Variants in FBH1 observed in about 807,000 individuals in gnomAD.
FBH1 encodes DNA 3'-5' helicase 1.
FBH1 carries 43 observed loss-of-function variants against 115.5 expected under a neutral mutation model. The observed-to-expected ratio is 0.37, with a 90% CI of 0.29 to 0.48. FBH1 has a LOEUF of 0.48. FBH1 is among the 20% of genes least tolerant of loss of function. The probability of loss-of-function intolerance (pLI) is 0.99; values close to 1 mark genes in which losing one functional copy is unlikely to be tolerated. For missense variants in FBH1, 1,001 were observed against 1,337.3 expected (o/e 0.75, Z 3.92); for synonymous variants, 524 against 507.8 (o/e 1.03, Z -0.43).
rs59647667 is a variant in FBH1, at chr10:5,933,114, G to T, written c.2830-3342G>T. Reference sequence around the variant, plus strand: ...TGCATAAGAGTGAAATAGGCCCGGCGCAGTAGCTCACACCTGTAATCCCAG... The same window carrying T: ...TGCATAAGAGTGAAATAGGCCCGGCTCAGTAGCTCACACCTGTAATCCCAG... On this transcript the variant is annotated intron_variant, in intron 19 of 20. Transcript: ENST00000362091. This position sits in a 1 kb window ranked among gnomAD's most constrained non-coding sequence, Gnocchi z 4.9. Among the ~76,000 whole-genome samples the T allele has an allele frequency of 1.3e-5, 2 of 152,084 alleles. No homozygotes were observed. Among genetic ancestry groups the T allele is most frequent in the Admixed American group, 6.5e-5 (1 of 15,282 alleles).
At position 5,925,464 on chromosome 10, in the gene FBH1, C is replaced by A. The variant is rs752031835; in HGVS notation, c.2694C>A (p.Asn898Lys). ...TGAAAGTGCCTTGTGCCCGGCATAA[C>A]CTGCCCCAGCTTCCGCACTTCAGAG... is the stretch of plus-strand genomic sequence containing the variant. ...DFVKVPCARH[N>K]LPQLPHFRVE... is the part of the protein sequence containing the mutation. Residue 898 changes from asparagine (N) to lysine (K), a missense_variant, in exon 18 of 21, where the codon AAC becomes AAA. Asn to Lys is a moderately conservative substitution (Grantham distance 94). Coordinates refer to ENST00000362091, the MANE Select transcript of FBH1 (RefSeq NM_178150.3). This position sits in a 1 kb window ranked among gnomAD's most constrained non-coding sequence, Gnocchi z 4.6. The A allele has an allele frequency of 6.2e-7, 1 of 1,614,022 alleles. No individual in the cohort carries two copies. The highest frequency in any genetic ancestry group is 8.5e-7 in the Non-Finnish European group (1 of 1,180,058).
chr10:5,909,012 G>T lies in FBH1; in HGVS notation c.841G>T (p.Gly281Cys). 6.2e-7 allele frequency: 1 copy of T among 1,614,208 alleles called. No homozygotes were observed. Among genetic ancestry groups the T allele is most frequent in the Admixed American group, 1.7e-5 (1 of 60,026 alleles). The change falls in exon 4 of 21, where the codon GGC becomes TGC. Residue 281 changes from glycine (G) to cysteine (C), a missense_variant. Physicochemically the swap from Gly to Cys is radical, Grantham distance 159. Transcript: ENST00000362091. This position sits in a 1 kb window ranked among gnomAD's most constrained non-coding sequence, Gnocchi z 4.4. ...AGTGGACGGCATCCTGTCTAACTGT[G>T]GCATAGAAAAGGAGTCAGACCTGTG... ...SKVDGILSNC[G>C]IEKESDLCVL...
chr10:5,904,959 G>T lies in FBH1; in HGVS notation c.158-1078G>T, dbSNP rs968372738. Among the ~76,000 whole-genome samples, 6 of 152,246 alleles carry T rather than the reference G, an allele frequency of 3.9e-5. No homozygotes were observed. The East Asian group carries it at 1.2e-3, about 29-fold the overall frequency. Reference sequence around the variant, plus strand: ...TGAATATTTTGGATACAGCCATTTAGAAAGGAACTATGTATTATTGATAAA... The same window carrying T: ...TGAATATTTTGGATACAGCCATTTATAAAGGAACTATGTATTATTGATAAA... On this transcript the variant is annotated intron_variant, in intron 2 of 20. Coordinates refer to ENST00000362091, the MANE Select transcript of FBH1 (RefSeq NM_178150.3).
In FBH1 at chr10:5,909,978, G is replaced by A. The variant is rs1295377720; in HGVS notation, c.1020+684G>A. 6.6e-6 allele frequency among the ~76,000 whole-genome samples: 1 copy of A among 152,136 alleles called. No individual in the cohort carries two copies. The highest frequency in any genetic ancestry group is 1.5e-5 in the Non-Finnish European group (1 of 68,034). ...AATGCATTCTTTAACACAGAGACGT[G>A]TAGTAACTTAAGAATGGTAAAGGCT... On this transcript the variant is annotated intron_variant, in intron 5 of 20. Coordinates refer to ENST00000362091, the MANE Select transcript of FBH1 (RefSeq NM_178150.3). This position sits in a 1 kb window ranked among gnomAD's most constrained non-coding sequence, Gnocchi z 4.4.
rs1243575300 is a variant in FBH1 at position 5,894,061 on chromosome 10, G to A, written c.1+3715G>A. 6 of 985,278 alleles carry A rather than the reference G, an allele frequency of 6.1e-6. No homozygotes were observed. In the Admixed American group the frequency reaches 3.7e-4, roughly 61 times the overall value. The allele number at this position is 985,278 out of a possible 1,614,324, so 61.0% of individuals were successfully genotyped here. The stretch of plus-strand genomic sequence containing the variant: ...CTCCAAGGGAGTCACAGGTGTCTCA[G>A]ATGTGAGAGGATCCCGGGGAGATTG... On this transcript the variant is annotated intron_variant, in intron 1 of 20. Coordinates refer to ENST00000362091, the MANE Select transcript of FBH1 (RefSeq NM_178150.3).
intron 3 of FBH1, among the ~76,000 whole-genome samples, chr10:5,908,358 A>G (rs957726883): frequency 6.6e-6 from 1 of 152,208 alleles, no homozygotes; most frequent in East Asian, 1.9e-4. Context: ...TTTTGTTCCC[A>G]TTGAAACCCT....
At chr10:5,922,926 C>G (rs140846861) in intron 15 of FBH1, among the ~76,000 whole-genome samples, 24 of 152,322 alleles carry the variant, frequency 1.6e-4, no homozygotes, top group African/African-American at 5.5e-4. Flanking sequence ...CTTTGTCACC[C>G]AGGCTGGAGT....
chr10:5,931,330 A>T lies in FBH1; in HGVS notation c.2829+3789A>T, dbSNP rs1397928486. Among the ~76,000 whole-genome samples, 3 of 152,208 alleles carry T rather than the reference A, an allele frequency of 2.0e-5. No individual in the cohort carries two copies. The East Asian group carries it at 5.8e-4, about 29-fold the overall frequency. On this transcript the variant is annotated intron_variant, in intron 19 of 20. Transcript: ENST00000362091. This position sits in a 1 kb window ranked among gnomAD's most constrained non-coding sequence, Gnocchi z 4.3. ...TATGCAGCACCATCAGTAAGTGCTG[A>T]AAAATGATACTGTTTACACATGTTC...
chr10:5,908,273 T>C (rs1843848791), intron 3 of FBH1, among the ~76,000 whole-genome samples: 2 of 152,226 alleles, frequency 1.3e-5, no homozygotes, highest in Admixed American at 6.5e-5. Context: ...TCGTCTCTTA[T>C]AACAGTATTT....
chr10:5,890,118 C>A (rs942957266), upstream of FBH1: 6 of 322,084 alleles, frequency 1.9e-5, no homozygotes, highest in Non-Finnish European at 2.8e-5. Context: ...CGTCAGCACG[C>A]CCCCTCCGGT....
intron 1 of FBH1, among the ~76,000 whole-genome samples, chr10:5,896,163 C>A (rs1649893607): frequency 6.6e-6 from 1 of 152,110 alleles, no homozygotes; most frequent in Non-Finnish European, 1.5e-5. Context: ...TTTTAGTTCC[C>A]CGTAGCAGAG....
rs1831533948 is a variant in FBH1 at position 5,910,777 on chromosome 10, C to A, written c.1021-161C>A. ...GAGTCCAGGGCGAACAGAAGGGCTCCCCTGTTTCCCAAATACAACTTGGAA... is the reference window on the plus strand; with the variant it reads ...GAGTCCAGGGCGAACAGAAGGGCTCACCTGTTTCCCAAATACAACTTGGAA... On this transcript the variant is annotated intron_variant, in intron 5 of 20. Transcript: ENST00000362091. The surrounding 1 kb of genome is among the most constrained non-coding windows in gnomAD (Gnocchi z 4.8). 6.6e-6 allele frequency among the ~76,000 whole-genome samples: 1 copy of A among 152,234 alleles called. No homozygotes were observed. The highest frequency in any genetic ancestry group is 6.5e-5 in the Admixed American group (1 of 15,292).
chr10:5,894,160 C>T, intron 1 of FBH1: 1 of 985,402 alleles, frequency 1.0e-6, no homozygotes, highest in Non-Finnish European at 1.2e-6. Context: ...CAGTGAATAC[C>T]TGGGAAAGGA....
chr10:5,907,107 C>T (rs532957059), intron 3 of FBH1, among the ~76,000 whole-genome samples: 44 of 152,208 alleles, frequency 2.9e-4, no homozygotes, highest in African/African-American at 9.6e-4. Context: ...GGATTACAGG[C>T]GTGCGCCACC....
rs1476432177 is a variant in FBH1, at chr10:5,925,577, G to A, written c.2722+85G>A. ...CTTCCTTTGCACGGCCTTGTTGTTT[G>A]TTGGATGGTGTGGCCTCCTGGTAGG... On this transcript the variant is annotated intron_variant, in intron 18 of 20. Transcript: ENST00000362091. The surrounding 1 kb of genome is among the most constrained non-coding windows in gnomAD (Gnocchi z 4.6). 1.9e-6 allele frequency: 3 copies of A among 1,566,788 alleles called. No individual in the cohort carries two copies. The African/African-American group carries it at 4.1e-5, about 21-fold the overall frequency.
At chr10:5,896,867 AGG>A (rs1194124168) in intron 1 of FBH1, among the ~76,000 whole-genome samples, 1 of 152,030 alleles carries the variant, frequency 6.6e-6, no homozygotes, top group Non-Finnish European at 1.5e-5. Flanking sequence ...GTAGAGAGGG[AGG>A]CATACCATGA....
chr10:5,898,186 A>T (rs1408677710), intron 1 of FBH1, among the ~76,000 whole-genome samples: 1 of 152,222 alleles, frequency 6.6e-6, no homozygotes, highest in Non-Finnish European at 1.5e-5. Flanking sequence ...GCTTATAAGC[A>T]GAAGTCTCTC....
At position 5,921,580 on chromosome 10, in the gene FBH1, A is replaced by G. The variant is rs1278250375; in HGVS notation, c.2322+11A>G. The G allele has an allele frequency of 6.3e-6, 10 of 1,591,638 alleles. No individual in the cohort carries two copies. Among genetic ancestry groups the G allele is most frequent in the Admixed American group, 1.9e-5 (1 of 51,310 alleles). ...ATACATTTGATTGGGGTAAGAGTAC[A>G]TTTCTGTTGACCACTTCATGCACAG... is the stretch of plus-strand genomic sequence containing the variant. On this transcript the variant is annotated intron_variant, in intron 15 of 20. Coordinates refer to ENST00000362091, the MANE Select transcript of FBH1 (RefSeq NM_178150.3). This position sits in a 1 kb window ranked among gnomAD's most constrained non-coding sequence, Gnocchi z 6.4.
intron 3 of FBH1, among the ~76,000 whole-genome samples, chr10:5,907,124 G>A (rs1041935475): frequency 1.5e-4 from 23 of 152,030 alleles, no homozygotes; most frequent in Admixed American, 7.2e-4. Flanking sequence ...CACCACACCC[G>A]GCTAATTTTT....
Sources: gnomAD v4.1 joint callset for allele counts (sites outside exome capture counted in the v4.1 genomes callset) on GRCh38, gnomAD v4.1.1 for gene constraint, Gnocchi (gnomAD v3.1) non-coding constraint, MANE v1.5 for transcripts, NCBI Gene and HGNC (gene_info 2026-07-23, HGNC 2026-07-21) for gene names.